Variants in PTPN2 observed in about 807,000 individuals in gnomAD.
PTPN2 encodes the protein protein tyrosine phosphatase non-receptor type 2.
PTPN2 carries 19 observed loss-of-function variants against 57.3 expected under a neutral mutation model. The ratio of observed to expected loss-of-function variants is 0.33; its 90% CI spans 0.23 to 0.49. PTPN2 has a LOEUF of 0.49. Among genes scored for constraint, PTPN2 ranks in the 20% least tolerant of loss-of-function variants. The pLI is 0.99. For missense variants in PTPN2, 358 were observed against 501.1 expected, an observed-to-expected ratio of 0.71 and a Z score of 2.73; for synonymous variants, 153 against 164.9, an observed-to-expected ratio of 0.93 and a Z score of 0.55.
intron 5 of PTPN2, among the ~76,000 whole-genome samples, chr18:12,822,293 ACAGT>A (rs1479527186): frequency 2.0e-5 from 3 of 152,220 alleles, no homozygotes; most frequent in Admixed American, 6.5e-5. Context: ...GAAATAGAAG[ACAGT>A]CAGCATTATA....
chr18:12,856,105 C>G (rs2043580145), intron 2 of PTPN2, among the ~76,000 whole-genome samples: 1 of 152,152 alleles, frequency 6.6e-6, no homozygotes. Flanking sequence ...CTGAACAGGT[C>G]TAGGAACTCT....
At chr18:12,789,895 T>C (rs2040940313), downstream of PTPN2, among the ~76,000 whole-genome samples, 1 of 151,992 alleles carries the variant, frequency 6.6e-6, no homozygotes, top group Admixed American at 6.6e-5. Flanking sequence ...TATATGTATG[T>C]ATATATGTAT....
rs953123344 is a variant in PTPN2, at chr18:12,836,816, G to C, written c.236C>G (p.Ala79Gly). ...INASLVDIEEAQRSYILTQGP... is the reference protein window; with the variant it reads ...INASLVDIEEGQRSYILTQGP... ...CTGTGTTAAGATGTAACTCCTTTGT[G>C]CCTCTTCTATGTCAACTAAACTGGC... Residue 79 changes from alanine (A) to glycine (G), a missense_variant, in exon 3 of 9, where the codon GCA (alanine) becomes GGA (glycine). Physicochemically the swap from Ala to Gly is moderately conservative, Grantham distance 60. This residue lies in a region of PTPN2 where 193 missense variants were observed against 315.4 expected (regional missense o/e 0.61). Coordinates refer to ENST00000309660, the MANE Select transcript of PTPN2 (RefSeq NM_002828.4). 6.2e-7 allele frequency: 1 copy of C among 1,607,632 alleles called. No individual in the cohort carries two copies. Among genetic ancestry groups the C allele is most frequent in the Non-Finnish European group, 8.5e-7 (1 of 1,176,430 alleles).
At chr18:12,839,703 T>A (rs1322732796) in intron 2 of PTPN2, 3 of 152,208 alleles carry the variant, frequency 2.0e-5, no homozygotes, top group African/African-American at 7.2e-5. Flanking sequence ...TCTACAGGCA[T>A]CATCTGCCTT....
At chr18:12,843,096 A>C (rs2043099481) in intron 2 of PTPN2, among the ~76,000 whole-genome samples, 1 of 152,180 alleles carries the variant, frequency 6.6e-6, no homozygotes, top group Admixed American at 6.5e-5. Context: ...AGGGATCTAA[A>C]GATGTGGATT....
chr18:12,837,161 A>T (rs2042895260), intron 2 of PTPN2, among the ~76,000 whole-genome samples: 1 of 152,180 alleles, frequency 6.6e-6, no homozygotes, highest in African/African-American at 2.4e-5. Flanking sequence ...CCAGGAGTAA[A>T]CATAGTTAAA....
chr18:12,797,498 GA>G (rs2041237308), intron 8 of PTPN2, among the ~76,000 whole-genome samples: 1 of 152,050 alleles, frequency 6.6e-6, no homozygotes, highest in Non-Finnish European at 1.5e-5. Context: ...TCATTTAAAA[GA>G]ATGGAACAGA....
chr18:12,795,087 T>C (rs1185120752), intron 8 of PTPN2, among the ~76,000 whole-genome samples: 1 of 152,162 alleles, frequency 6.6e-6, no homozygotes, highest in African/African-American at 2.4e-5. Flanking sequence ...CCTTGTTAAC[T>C]AGTCAGCAGG....
At chr18:12,804,701 T>C (rs2041576880) in intron 7 of PTPN2, among the ~76,000 whole-genome samples, 1 of 152,126 alleles carries the variant, frequency 6.6e-6, no homozygotes. Context: ...ATAGAAAACC[T>C]GAACTGACCA....
downstream of PTPN2, among the ~76,000 whole-genome samples, chr18:12,788,432 C>CTTTTTTTTTT (rs71174142): frequency 7.8e-5 from 7 of 90,094 alleles, no homozygotes; most frequent in East Asian, 4.1e-4. Flanking sequence ...GGGATCAGGG[C>CTTTTTTTTTT]TTTTTTTTTT....
At chr18:12,877,326 C>T (rs1199772128) in intron 1 of PTPN2, among the ~76,000 whole-genome samples, 1 of 152,100 alleles carries the variant, frequency 6.6e-6, no homozygotes, top group Admixed American at 6.5e-5. Flanking sequence ...ATATAGAGAA[C>T]TAAGAAATGA....
intron 8 of PTPN2, among the ~76,000 whole-genome samples, chr18:12,795,962 G>A (rs79494932): frequency 1.1e-4 from 16 of 150,408 alleles, no homozygotes; most frequent in African/African-American, 3.9e-4. Flanking sequence ...TCGTTACCGG[G>A]CCTAGTGCAC....
chr18:12,825,447 G>A (rs2042417163), intron 5 of PTPN2, among the ~76,000 whole-genome samples: 1 of 152,116 alleles, frequency 6.6e-6, no homozygotes, highest in South Asian at 2.1e-4. Flanking sequence ...TTACAGATGA[G>A]GAAGGGATCA....
chr18:12,881,314 G>A (rs886828055), intron 1 of PTPN2, among the ~76,000 whole-genome samples: 1 of 152,156 alleles, frequency 6.6e-6, no homozygotes, highest in Non-Finnish European at 1.5e-5. Context: ...GTGTGTGCCT[G>A]TAATTTCAAC....
At position 12,794,413 on chromosome 18, in the gene PTPN2, C is replaced by A; in HGVS notation, c.1113G>T (p.Arg371Ser). The A allele has an allele frequency of 6.2e-7, 1 of 1,614,150 alleles. No homozygotes were observed. Among genetic ancestry groups the A allele is most frequent in the Non-Finnish European group, 8.5e-7 (1 of 1,180,034 alleles). Residue 371 changes from arginine to serine, a missense_variant, in exon 9 of 9, where the codon AGG (arginine) becomes AGT (serine). Transcript: ENST00000309660. ...TTCTTTTTCGTTCATTCTCATTTAG[C>A]CTCTGTTTCATCTGCTGCACCTTCT... ...TAQKVQQMKQ[R>S]LNENERKRKR...
At chr18:12,828,061 T>G (rs2042540441) in intron 4 of PTPN2, among the ~76,000 whole-genome samples, 1 of 151,920 alleles carries the variant, frequency 6.6e-6, no homozygotes, top group African/African-American at 2.4e-5. Context: ...AACAAGAGAC[T>G]TATAAAGGAA....
At chr18:12,865,823 A>AC (rs1213901040) in intron 1 of PTPN2, among the ~76,000 whole-genome samples, 4 of 151,718 alleles carry the variant, frequency 2.6e-5, no homozygotes, top group Non-Finnish European at 5.9e-5. Flanking sequence ...CAAAAAAAAA[A>AC]CCAAAAAACA....
At chr18:12,856,211 G>A (rs2043584360) in intron 2 of PTPN2, among the ~76,000 whole-genome samples, 1 of 152,240 alleles carries the variant, frequency 6.6e-6, no homozygotes, top group Non-Finnish European at 1.5e-5. Context: ...GTGAATGACT[G>A]AAGTCAGGAG....
rs2041479105 is a variant in PTPN2, at chr18:12,802,746, A to T, written c.859-595T>A. Among the ~76,000 whole-genome samples, 4 of 152,346 alleles carry T rather than the reference A, an allele frequency of 2.6e-5. No homozygotes were observed. In the South Asian group the frequency reaches 8.3e-4, roughly 32 times the overall value. On this transcript the variant is annotated intron_variant, in intron 7 of 8. Coordinates refer to ENST00000309660, the MANE Select transcript of PTPN2 (RefSeq NM_002828.4). Reference sequence around the variant, plus strand: ...AATATATTCAAAGTGCTGAAAGATAACAACTACTAGCAAAGCTATCTTTCA... The same window carrying T: ...AATATATTCAAAGTGCTGAAAGATATCAACTACTAGCAAAGCTATCTTTCA...
Sources: gnomAD v4.1 joint callset for allele counts (sites outside exome capture counted in the v4.1 genomes callset) on GRCh38, gnomAD v4.1.1 for gene constraint, gnomAD v4.1.1 regional missense constraint, MANE v1.5 for transcripts, NCBI Gene and HGNC (gene_info 2026-07-23, HGNC 2026-07-21) for gene names.